Variants in MAGI1 observed in about 807,000 individuals in gnomAD.
The protein encoded by MAGI1 is membrane-associated guanylate kinase, WW and PDZ domain-containing protein 1.
A neutral mutation model predicts 139.9 loss-of-function variants in MAGI1; 58 were observed. The observed-to-expected ratio is 0.41, with a 90% CI of 0.34 to 0.52. MAGI1 has a LOEUF of 0.52. Among genes scored for constraint, MAGI1 ranks in the 20% least tolerant of loss-of-function variants. MAGI1 has a pLI of 0.12. For missense variants in MAGI1, 1,874 were observed against 1,901.6 expected (o/e 0.99, Z 0.27); for synonymous variants, 812 against 737.9 (o/e 1.10, Z -1.63).
intron 1 of MAGI1, among the ~76,000 whole-genome samples, chr3:65,846,099 T>C (rs2058984295): frequency 6.6e-6 from 1 of 152,174 alleles, no homozygotes; most frequent in African/African-American, 2.4e-5. Context: ...CCATCGAAAC[T>C]GACTTTGTGC....
intron 1 of MAGI1, among the ~76,000 whole-genome samples, chr3:66,018,367 T>C (rs1261970692): frequency 1.3e-5 from 2 of 152,194 alleles, no homozygotes; most frequent in African/African-American, 4.8e-5. Context: ...TCCCATTCTC[T>C]ACCTTCCAAC....
chr3:65,359,656 A>G (rs1940596418), intron 22 of MAGI1: 3 of 989,276 alleles, frequency 3.0e-6, no homozygotes, highest in Non-Finnish European at 3.6e-6. Flanking sequence ...ACTCTAATCA[A>G]TGGAATTAGA....
chr3:65,873,927 CA>C (rs1381865895), intron 1 of MAGI1: 5 of 151,822 alleles, frequency 3.3e-5, no homozygotes, highest in African/African-American at 1.2e-4. Context: ...AAATATAAAC[CA>C]AAACCACAAA....
intron 1 of MAGI1, among the ~76,000 whole-genome samples, chr3:65,912,665 C>T (rs1237491575): frequency 6.6e-6 from 1 of 152,152 alleles, no homozygotes; most frequent in African/African-American, 2.4e-5. Context: ...TTAGGACCAG[C>T]TTCCTTAATC....
At chr3:65,477,721 T>TTA (rs967378820) in intron 4 of MAGI1, among the ~76,000 whole-genome samples, 8 of 150,132 alleles carry the variant, frequency 5.3e-5, no homozygotes, top group South Asian at 2.1e-4. Context: ...ATTTTTTTTT[T>TTA]TTTATTTATA....
At chr3:65,409,713 G>C (rs1945636305) in intron 12 of MAGI1, among the ~76,000 whole-genome samples, 2 of 151,704 alleles carry the variant, frequency 1.3e-5, no homozygotes, top group South Asian at 4.2e-4. Context: ...GATACCAGCT[G>C]CCAAGAACAT....
At chr3:65,468,764 C>A (rs1673634463) in intron 5 of MAGI1, among the ~76,000 whole-genome samples, 1 of 151,642 alleles carries the variant, frequency 6.6e-6, no homozygotes, top group South Asian at 2.1e-4. Flanking sequence ...ATTGTTTTTT[C>A]TAATTATAAA....
chr3:65,918,878 A>G (rs2062034574), intron 1 of MAGI1, among the ~76,000 whole-genome samples: 1 of 152,162 alleles, frequency 6.6e-6, no homozygotes, highest in African/African-American at 2.4e-5. Flanking sequence ...GAGGAGTTCA[A>G]TTATACTGCA....
At position 65,621,934 on chromosome 3, in the gene MAGI1, C is replaced by CAT. The variant is rs750527628; in HGVS notation, c.430+37_430+38insAT. 8 of 1,431,378 alleles carry CAT rather than the reference C, an allele frequency of 5.6e-6. No homozygotes were observed. In the East Asian group the frequency reaches 1.8e-4, roughly 33 times the overall value. The allele number at this position is 1,431,378 out of a possible 1,614,324, so 88.7% of individuals were successfully genotyped here. ...TGGACTTTTCACACACACACACACA[C>CAT]ACACACAGCAGTGAGATGCCAAAGT... On this transcript the variant is annotated intron_variant, in intron 2 of 22. Transcript: ENST00000402939.
At chr3:66,028,639 G>T (rs550933399) in intron 1 of MAGI1, among the ~76,000 whole-genome samples, 1 of 151,920 alleles carries the variant, frequency 6.6e-6, no homozygotes, top group Non-Finnish European at 1.5e-5. Context: ...GCCTGAACAC[G>T]CAAGAACTCG....
chr3:65,794,129 C>T (rs953299314), intron 1 of MAGI1, among the ~76,000 whole-genome samples: 1 of 152,162 alleles, frequency 6.6e-6, no homozygotes, highest in Admixed American at 6.5e-5. Flanking sequence ...GGATGAGACG[C>T]AAGCCATTGC....
At chr3:65,525,739 C>T (rs1473982668) in intron 2 of MAGI1, among the ~76,000 whole-genome samples, 3 of 152,102 alleles carry the variant, frequency 2.0e-5, no homozygotes, top group South Asian at 4.2e-4. Context: ...AATAATATAG[C>T]GGTAGAATGT....
At chr3:65,822,390 CG>C (rs1159922159) in intron 1 of MAGI1, among the ~76,000 whole-genome samples, 1 of 151,764 alleles carries the variant, frequency 6.6e-6, no homozygotes, top group African/African-American at 2.4e-5. Context: ...TAGCCGAGTG[CG>C]GTGGTGCATG....
chr3:65,546,395 A>T (rs1022296307), intron 2 of MAGI1, among the ~76,000 whole-genome samples: 1 of 152,190 alleles, frequency 6.6e-6, no homozygotes, highest in African/African-American at 2.4e-5. Flanking sequence ...TCCTTTATGG[A>T]TCAACATTCA....
intron 1 of MAGI1, among the ~76,000 whole-genome samples, chr3:65,930,459 CG>C (rs556878711): frequency 1.2e-3 from 181 of 152,050 alleles, no homozygotes; most frequent in African/African-American, 4.2e-3. Context: ...TGGCCAGGCA[CG>C]GTGGCTCACA....
At chr3:65,861,599 T>C (rs76500451) in intron 1 of MAGI1, among the ~76,000 whole-genome samples, 1 of 152,118 alleles carries the variant, frequency 6.6e-6, no homozygotes, top group Admixed American at 6.5e-5. Flanking sequence ...CAGTGCAGCA[T>C]GAACAGAGAA....
intron 1 of MAGI1, among the ~76,000 whole-genome samples, chr3:65,705,034 C>T (rs2029932175): frequency 6.6e-6 from 1 of 151,984 alleles, no homozygotes; most frequent in South Asian, 2.1e-4. Context: ...GGTTAAGGAT[C>T]AGTCACAATT....
chr3:65,733,415 A>G (rs956140457), intron 1 of MAGI1, among the ~76,000 whole-genome samples: 6 of 152,338 alleles, frequency 3.9e-5, no homozygotes, highest in Admixed American at 1.3e-4. Flanking sequence ...AAAAATCTCT[A>G]TATTTTAGAA....
chr3:65,500,703 A>T (rs1339762610), intron 2 of MAGI1, among the ~76,000 whole-genome samples: 2 of 152,190 alleles, frequency 1.3e-5, no homozygotes, highest in Non-Finnish European at 2.9e-5. Flanking sequence ...AGATGTTGAG[A>T]TCTCACTCAA....
Sources: allele counts gnomAD v4.1 joint callset (sites outside exome capture counted in the v4.1 genomes callset), GRCh38; gene constraint gnomAD v4.1.1; transcripts MANE v1.5; gene names NCBI Gene and HGNC (gene_info 2026-07-23, HGNC 2026-07-21).